The following CAMK1D variants were observed in gnomAD, a reference collection of about 807,000 sequenced individuals.
The protein encoded by CAMK1D is calcium/calmodulin-dependent protein kinase type 1D.
CAMK1D carries 9 observed loss-of-function variants against 47.7 expected under a neutral mutation model. That is an observed-to-expected ratio of 0.19 (90% CI 0.11 to 0.33). The LOEUF (loss-of-function observed/expected upper bound fraction) is 0.33, where lower values mean the gene tolerates loss of function less well. Ranked by LOEUF, CAMK1D falls within the 10% of genes least tolerant of loss-of-function variation. CAMK1D has a pLI of 1.00. For missense variants in CAMK1D, 291 were observed against 488.7 expected, an observed-to-expected ratio of 0.60 and a Z score of 3.81; for synonymous variants, 184 against 184.9, an observed-to-expected ratio of 0.99 and a Z score of 0.04.
At chr10:12,543,766 C>T (rs1836275200) in intron 1 of CAMK1D, among the ~76,000 whole-genome samples, 1 of 152,182 alleles carries the variant, frequency 6.6e-6, no homozygotes, top group Non-Finnish European at 1.5e-5. Context: ...TTTCTTTGCC[C>T]TGCCACTCAC....
At chr10:12,769,234 C>T (rs1836921815) in intron 4 of CAMK1D, among the ~76,000 whole-genome samples, 1 of 152,190 alleles carries the variant, frequency 6.6e-6, no homozygotes, top group African/African-American at 2.4e-5. Flanking sequence ...AACTGCAGGG[C>T]AGCAGGGCGT....
chr10:12,648,117 A>G (rs893578237), intron 2 of CAMK1D, among the ~76,000 whole-genome samples: 4 of 152,240 alleles, frequency 2.6e-5, no homozygotes, highest in African/African-American at 9.6e-5. Context: ...GTTTTGATTT[A>G]TAACTTTATA....
chr10:12,524,906 A>C (rs577449080), intron 1 of CAMK1D, among the ~76,000 whole-genome samples: 1 of 152,284 alleles, frequency 6.6e-6, no homozygotes, highest in South Asian at 2.1e-4. Context: ...TATTTTAGAG[A>C]ACATTTTCTG....
chr10:12,432,798 G>C (rs367570335), intron 1 of CAMK1D, among the ~76,000 whole-genome samples: 22 of 152,218 alleles, frequency 1.4e-4, no homozygotes, highest in African/African-American at 5.3e-4. Flanking sequence ...CTTGTCACTG[G>C]TGTTCTGCCC....
intron 1 of CAMK1D, among the ~76,000 whole-genome samples, chr10:12,390,918 T>C (rs1375388071): frequency 6.6e-6 from 1 of 152,016 alleles, no homozygotes; most frequent in African/African-American, 2.4e-5. Context: ...ATGCTGTGCA[T>C]AGTCCTGACT....
intron 3 of CAMK1D, among the ~76,000 whole-genome samples, chr10:12,671,911 C>CTTTTTTTT (rs773722384): frequency 1.0e-5 from 1 of 98,920 alleles, no homozygotes; most frequent in African/African-American, 3.8e-5. Context: ...TCACCTAATT[C>CTTTTTTTT]TTTTTTTTTT....
chr10:12,458,025 T>C (rs910972695), intron 1 of CAMK1D, among the ~76,000 whole-genome samples: 5 of 152,122 alleles, frequency 3.3e-5, no homozygotes, highest in African/African-American at 1.2e-4. Flanking sequence ...CAAAAGCAAA[T>C]CAGCCAGGGA....
intron 3 of CAMK1D, among the ~76,000 whole-genome samples, chr10:12,731,584 A>G (rs1323140543): frequency 6.6e-6 from 1 of 152,222 alleles, no homozygotes; most frequent in East Asian, 1.9e-4. Flanking sequence ...AACCAGAGCC[A>G]TGGCTTTGCC....
At chr10:12,615,137 G>C (rs552676411) in intron 2 of CAMK1D, among the ~76,000 whole-genome samples, 105 of 152,334 alleles carry the variant, frequency 6.9e-4, no homozygotes, top group Non-Finnish European at 1.2e-3. Context: ...GAGTCTCTGG[G>C]ACCGGAGGAT....
At chr10:12,525,446 A>G (rs2132205858) in intron 1 of CAMK1D, among the ~76,000 whole-genome samples, 1 of 152,194 alleles carries the variant, frequency 6.6e-6, no homozygotes, top group South Asian at 2.1e-4. Context: ...TATCTCTACA[A>G]GATCATTCTC....
chr10:12,524,153 G>C, intron 1 of CAMK1D, among the ~76,000 whole-genome samples: 1 of 151,572 alleles, frequency 6.6e-6, no homozygotes. Flanking sequence ...TTTTAGTAGA[G>C]ACAGGGTTTC....
chr10:12,506,762 C>T (rs185354520), intron 1 of CAMK1D, among the ~76,000 whole-genome samples: 23 of 152,308 alleles, frequency 1.5e-4, no homozygotes, highest in African/African-American at 5.0e-4. Context: ...TCGTGATCCG[C>T]CCGCCTCAGC....
Position 12,828,920 on chromosome 10 carries a change from T to TGGGCCCGG in CAMK1D, c.*36_*37insCCCGGGGG. 6.7e-7 allele frequency: 1 copy of TGGGCCCGG among 1,485,838 alleles called. No individual in the cohort carries two copies. Among genetic ancestry groups the TGGGCCCGG allele is most frequent in the Non-Finnish European group, 9.1e-7 (1 of 1,100,110 alleles). 92.0% of individuals were successfully genotyped at this position (1,485,838 alleles called of 1,614,324 possible). A position where few individuals can be genotyped will look rare whatever the true frequency, so the allele number is the denominator to read the frequency against. ...TGGAGGTGGGGCCCGGGGTCGGGGCTGGGGAAGGGGAGCCCCAGGGTCGCC... is the reference window on the plus strand; with the variant it reads ...TGGAGGTGGGGCCCGGGGTCGGGGCTGGGCCCGGGGGGAAGGGGAGCCCCAGGGTCGCC... On this transcript the variant is annotated 3_prime_UTR_variant, in exon 11 of 11. Transcript: ENST00000619168.
intron 1 of CAMK1D, among the ~76,000 whole-genome samples, chr10:12,407,457 C>T (rs749473755): frequency 2.0e-5 from 3 of 152,244 alleles, no homozygotes; most frequent in Non-Finnish European, 2.9e-5. Flanking sequence ...GTTGCCTTCT[C>T]CCCCATCCCT....
At chr10:12,687,683 C>T (rs1832716592) in intron 3 of CAMK1D, among the ~76,000 whole-genome samples, 1 of 152,144 alleles carries the variant, frequency 6.6e-6, no homozygotes, top group South Asian at 2.1e-4. Flanking sequence ...ATCATTTGCC[C>T]CAGTGCAAAC....
At chr10:12,785,593 G>T (rs1207768304) in intron 5 of CAMK1D, among the ~76,000 whole-genome samples, 1 of 152,172 alleles carries the variant, frequency 6.6e-6, no homozygotes, top group Admixed American at 6.5e-5. Flanking sequence ...CCGAGGCCCC[G>T]GAGGGACTGT....
chr10:12,745,359 G>A (rs1291639516), intron 3 of CAMK1D, among the ~76,000 whole-genome samples: 1 of 152,066 alleles, frequency 6.6e-6, no homozygotes, highest in Non-Finnish European at 1.5e-5. Flanking sequence ...GACCCAGATT[G>A]ACCAAAGCTT....
chr10:12,770,729 G>A (rs1397304622), intron 5 of CAMK1D, among the ~76,000 whole-genome samples: 1 of 152,094 alleles, frequency 6.6e-6, no homozygotes, highest in Non-Finnish European at 1.5e-5. Flanking sequence ...GAGGAGACTT[G>A]GGCCTTGGTC....
intron 2 of CAMK1D, among the ~76,000 whole-genome samples, chr10:12,605,820 CAGGAG>C (rs1838442040): frequency 6.6e-6 from 1 of 152,184 alleles, no homozygotes; most frequent in Non-Finnish European, 1.5e-5. Flanking sequence ...CCCTCGGAAA[CAGGAG>C]TTATTGAGAA....
Sources: gnomAD v4.1 joint callset for allele counts (sites outside exome capture counted in the v4.1 genomes callset) on GRCh38, gnomAD v4.1.1 for gene constraint, MANE v1.5 for transcripts, NCBI Gene and HGNC (gene_info 2026-07-23, HGNC 2026-07-21) for gene names.